The following DNAJC25 variants were observed in gnomAD, a reference collection of about 807,000 sequenced individuals.
The protein encoded by DNAJC25 is dnaJ homolog subfamily C member 25.
Under a neutral mutation model 42.1 loss-of-function variants are expected in DNAJC25, and 26 were observed. The ratio of observed to expected loss-of-function variants is 0.62; its 90% CI spans 0.45 to 0.86. The LOEUF (loss-of-function observed/expected upper bound fraction) is 0.86. DNAJC25 is among the 40% of genes least tolerant of loss of function. DNAJC25 has a pLI of 0.00. For missense variants in DNAJC25, 404 were observed against 459.4 expected (o/e 0.88, Z 1.10); for synonymous variants, 189 against 179.9 (o/e 1.05, Z -0.40).
intron 1 of DNAJC25, among the ~76,000 whole-genome samples, chr9:111,633,723 TAG>T (rs1304268766): frequency 6.6e-6 from 1 of 152,114 alleles, no homozygotes; most frequent in Non-Finnish European, 1.5e-5. Flanking sequence ...ATAGTGATGG[TAG>T]AGATTCCTGC....
chr9:111,643,024 T>TGGAA (rs1484660051), intron 1 of DNAJC25: 9 of 438,200 alleles, frequency 2.1e-5, no homozygotes, highest in Non-Finnish European at 3.8e-5. Context: ...GGAAAGAAGT[T>TGGAA]GGAATCTCCA....
chr9:111,648,933 G>C (rs6477837), intron 2 of DNAJC25, among the ~76,000 whole-genome samples: 41,516 of 151,958 alleles, frequency 0.27, 6,197 homozygotes, highest in East Asian at 0.44. Flanking sequence ...TTTGAGTCTC[G>C]CATCAGAATA....
At chr9:111,651,322 C>T (rs1830657315) in intron 3 of DNAJC25, among the ~76,000 whole-genome samples, 1 of 151,026 alleles carries the variant, frequency 6.6e-6, no homozygotes, top group African/African-American at 2.4e-5. Flanking sequence ...AGCCAGTTAG[C>T]TCCTAAACTA....
Position 111,653,311 on chromosome 9 carries a change from C to A in DNAJC25, c.*89C>A. On this transcript the variant is annotated 3_prime_UTR_variant, in exon 4 of 4. Transcript: ENST00000313525. ...TTAGAAATGTATCAATTGACTGCTG[C>A]TCAGCAGTAACTAAAATTCCTCAAG... The A allele has an allele frequency of 1.5e-6, 2 of 1,314,646 alleles. No individual in the cohort carries two copies. Among genetic ancestry groups the A allele is most frequent in the Non-Finnish European group, 2.0e-6 (2 of 1,011,296 alleles). The allele number at this position is 1,314,646 out of a possible 1,614,324, so 81.4% of individuals were successfully genotyped here. A position where few individuals can be genotyped will look rare whatever the true frequency, so the allele number is the denominator to read the frequency against.
intron 1 of DNAJC25, among the ~76,000 whole-genome samples, chr9:111,641,380 C>T (rs1275600984): frequency 3.9e-4 from 53 of 135,138 alleles, no homozygotes; most frequent in African/African-American, 8.2e-4. Flanking sequence ...GCCCGGCCAG[C>T]CGCCCTGTCT....
At chr9:111,633,418 TATG>T (rs1830317322) in intron 1 of DNAJC25, among the ~76,000 whole-genome samples, 1 of 152,190 alleles carries the variant, frequency 6.6e-6, no homozygotes, top group South Asian at 2.1e-4. Context: ...GTTATCCCAT[TATG>T]ATTTCACACA....
At chr9:111,633,770 C>G (rs949908561) in intron 1 of DNAJC25, among the ~76,000 whole-genome samples, 5 of 152,108 alleles carry the variant, frequency 3.3e-5, no homozygotes, top group Non-Finnish European at 7.4e-5. Flanking sequence ...ATCAGTGCCC[C>G]CATCCCGGAA....
chr9:111,642,859 C>T (rs918354906), intron 1 of DNAJC25: 1 of 470,962 alleles, frequency 2.1e-6, no homozygotes, highest in Non-Finnish European at 4.4e-6. Context: ...TGTTCCAGTC[C>T]TCCTGCATAT....
Position 111,631,530 on chromosome 9 carries a change from G to C in DNAJC25, c.123G>C (p.Glu41Asp). The C allele has an allele frequency of 7.4e-7, 1 of 1,348,516 alleles. No individual in the cohort carries two copies. The highest frequency in any genetic ancestry group is 9.5e-7 in the Non-Finnish European group (1 of 1,056,452). The allele number at this position is 1,348,516 out of a possible 1,614,324, so 83.5% of individuals were successfully genotyped here. ...TGCGGCCCGCGGGGGCCCTGGTGGA[G>C]GGGCTCTACTGCGGCACGCGGGACT... ...LLVRPAGALV[E>D]GLYCGTRDCY... The change falls in exon 1 of 4, where the codon GAG becomes GAC. Residue 41 changes from glutamate (E) to aspartate (D), a missense_variant. Transcript: ENST00000313525.
Position 111,649,829 on chromosome 9 carries a change from C to T in DNAJC25, c.866C>T (p.Ser289Phe), listed in dbSNP as rs1159880628. 1 of 1,612,728 alleles carries T rather than the reference C, an allele frequency of 6.2e-7. No homozygotes were observed. ...EEERLYIIRKSMKMSKSQFDS... is the reference protein window; with the variant it reads ...EEERLYIIRKFMKMSKSQFDS... The stretch of plus-strand genomic sequence containing the variant: ...GAGAGATTATACATTATACGTAAAT[C>T]TATGAAGATGTCAAAGTCTCAATTT... Residue 289 changes from serine to phenylalanine, a missense_variant, in exon 3 of 4, where the codon TCT becomes TTT. Ser to Phe is a radical substitution (Grantham distance 155). Coordinates refer to ENST00000313525, the MANE Select transcript of DNAJC25 (RefSeq NM_001015882.3).
At chr9:111,639,942 C>G (rs1220551977) in intron 1 of DNAJC25, among the ~76,000 whole-genome samples, 7 of 145,452 alleles carry the variant, frequency 4.8e-5, no homozygotes, top group African/African-American at 1.9e-4. Context: ...CCGTCTCCGT[C>G]TCCGTCTCCG....
Position 111,653,758 on chromosome 9 carries a change from A to G in DNAJC25, c.*536A>G, listed in dbSNP as rs1830701588. On this transcript the variant is annotated 3_prime_UTR_variant, in exon 4 of 4. Coordinates refer to ENST00000313525, the MANE Select transcript of DNAJC25 (RefSeq NM_001015882.3). ...ATTATAGGATTGAAATACGTTCAAA[A>G]TAACCTCTCTAGGAAAGTCTTCTGC... is the stretch of plus-strand genomic sequence containing the variant. 1 of 152,624 alleles carries G rather than the reference A, an allele frequency of 6.6e-6. No homozygotes were observed. Among genetic ancestry groups the G allele is most frequent in the Non-Finnish European group, 1.5e-5 (1 of 68,040 alleles). The allele number at this position is 152,624 out of a possible 1,614,324, so 9.5% of individuals were successfully genotyped here. A position where few individuals can be genotyped will look rare whatever the true frequency, so the allele number is the denominator to read the frequency against.
intron 2 of DNAJC25, among the ~76,000 whole-genome samples, chr9:111,648,461 G>C (rs1017495255): frequency 6.6e-6 from 1 of 151,546 alleles, no homozygotes; most frequent in Non-Finnish European, 1.5e-5. Context: ...GTAGAGACAC[G>C]GTTTTGCCGT....
intron 1 of DNAJC25, among the ~76,000 whole-genome samples, chr9:111,643,984 C>T (rs762479916): frequency 6.6e-6 from 1 of 152,138 alleles, no homozygotes. Flanking sequence ...GCTCTTGATT[C>T]TAAAGTATAT....
intron 1 of DNAJC25, among the ~76,000 whole-genome samples, chr9:111,639,751 A>G (rs1468765320): frequency 6.6e-6 from 1 of 151,674 alleles, no homozygotes; most frequent in Admixed American, 6.6e-5. Context: ...ATTAATATAT[A>G]TTGAGTGAAT....
Position 111,631,459 on chromosome 9 carries a change from C to T in DNAJC25, c.52C>T (p.Arg18Cys), listed in dbSNP as rs1830272991. The change falls in exon 1 of 4, where the codon CGC becomes TGC. Residue 18 changes from arginine to cysteine, a missense_variant. Arg to Cys is a radical substitution (Grantham distance 180). Coordinates refer to ENST00000313525, the MANE Select transcript of DNAJC25 (RefSeq NM_001015882.3). ...PGWGAGAAGRRWWMLLAPLLP... is the reference protein window; with the variant it reads ...PGWGAGAAGRCWWMLLAPLLP... ...CTGGGGAGCCGGGGCTGCCGGCCGG[C>T]GCTGGTGGATGCTGCTGGCGCCCCT... The T allele has an allele frequency of 7.6e-7, 1 of 1,311,222 alleles. No homozygotes were observed. Among genetic ancestry groups the T allele is most frequent in the African/African-American group, 1.5e-5 (1 of 64,826 alleles). The allele number at this position is 1,311,222 out of a possible 1,614,324, so 81.2% of individuals were successfully genotyped here. A position where few individuals can be genotyped will look rare whatever the true frequency, so the allele number is the denominator to read the frequency against.
At position 111,654,165 on chromosome 9, in the gene DNAJC25, C is replaced by T. The variant is rs1830710189; in HGVS notation, c.*943C>T. ...GAAACGAGGTACATGGCTGTGTGCT[C>T]TTCTGTCAACCAATGAAATGTGTTT... is the stretch of plus-strand genomic sequence containing the variant. On this transcript the variant is annotated 3_prime_UTR_variant, in exon 4 of 4. Transcript: ENST00000313525. 1 of 152,192 alleles carries T rather than the reference C, an allele frequency of 6.6e-6. No individual in the cohort carries two copies. The highest frequency in any genetic ancestry group is 2.4e-5 in the African/African-American group (1 of 41,450). 9.4% of individuals were successfully genotyped at this position (152,192 alleles called of 1,614,324 possible).
At position 111,649,823 on chromosome 9, in the gene DNAJC25, G is replaced by C. The variant is rs1362592870; in HGVS notation, c.860G>C (p.Arg287Pro). Reference protein sequence around the residue: ...YGEEERLYIIRKSMKMSKSQF... With the variant: ...YGEEERLYIIPKSMKMSKSQF... ...GAGGAAGAGAGATTATACATTATAC[G>C]TAAATCTATGAAGATGTCAAAGTCT... The change falls in exon 3 of 4, where the codon CGT becomes CCT. Residue 287 changes from arginine to proline, a missense_variant. By Grantham distance (103) the Arg-to-Pro change is moderately radical (BLOSUM62 -2). Coordinates refer to ENST00000313525, the MANE Select transcript of DNAJC25 (RefSeq NM_001015882.3). The C allele has an allele frequency of 6.2e-7, 1 of 1,613,134 alleles. No homozygotes were observed. Among genetic ancestry groups the C allele is most frequent in the Non-Finnish European group, 8.5e-7 (1 of 1,179,812 alleles).
Position 111,647,121 on chromosome 9 carries a change from A to G in DNAJC25, c.351A>G (p.Arg117=). Residue 117 remains arginine, a synonymous_variant, in exon 2 of 4, where the codon CGA becomes CGG. Coordinates refer to ENST00000313525, the MANE Select transcript of DNAJC25 (RefSeq NM_001015882.3). The stretch of plus-strand genomic sequence containing the variant: ...TCATTTTACAGGATGAAGAAACACG[A>G]AAAGATTATGATTACATGCTGGATC... ...AYETLKDEET[R]KDYDYMLDHP... 1 of 1,613,690 alleles carries G rather than the reference A, an allele frequency of 6.2e-7. No homozygotes were observed. Among genetic ancestry groups the G allele is most frequent in the Non-Finnish European group, 8.5e-7 (1 of 1,179,844 alleles).
Sources: gnomAD v4.1 joint callset for allele counts (sites outside exome capture counted in the v4.1 genomes callset) on GRCh38, gnomAD v4.1.1 for gene constraint, MANE v1.5 for transcripts, NCBI Gene and HGNC (gene_info 2026-07-23, HGNC 2026-07-21) for gene names.